Variants in DMD observed in about 807,000 individuals in gnomAD.
The protein encoded by DMD is mutant dystrophin.
DMD carries 63 observed loss-of-function variants against 330.1 expected under a neutral mutation model. That is an observed-to-expected ratio of 0.19 (90% CI 0.16 to 0.24). The LOEUF (loss-of-function observed/expected upper bound fraction) is 0.24, where lower values mean the gene tolerates loss of function less well. Among genes scored for constraint, DMD ranks in the 10% least tolerant of loss-of-function variants. The pLI, the probability that DMD is intolerant of heterozygous loss-of-function variation, is 1.00. For synonymous variants in DMD, 1,223 were observed against 959.8 expected (o/e 1.27, Z -5.07); for missense variants, 3,344 against 2,684.1 (o/e 1.25, Z -5.43).
chrX:32,299,673 G>A (rs2097513852), intron 42 of DMD, among the ~76,000 whole-genome samples: 1 of 110,952 alleles, frequency 9.0e-6, no homozygotes, highest in Admixed American at 9.6e-5. Context: ...GATCTCACCT[G>A]AGCAAGTCAC....
At chrX:33,026,130 T>C (rs1046363853) in intron 1 of DMD, among the ~76,000 whole-genome samples, 1 of 107,467 alleles carries the variant, frequency 9.3e-6, no homozygotes, top group South Asian at 4.1e-4. Flanking sequence ...GGTCAGGAGA[T>C]CAAGACCATC....
At chrX:32,403,150 A>C (rs1173540060) in intron 30 of DMD, among the ~76,000 whole-genome samples, 3 of 112,211 alleles carry the variant, frequency 2.7e-5, no homozygotes, top group African/African-American at 9.7e-5. Context: ...CGCTGAAAGA[A>C]AAATAAAACA....
intron 41 of DMD, among the ~76,000 whole-genome samples, chrX:32,323,016 T>C (rs186284588): frequency 1.8e-5 from 2 of 112,318 alleles, no homozygotes; most frequent in Non-Finnish European, 3.8e-5. Context: ...TCTGTATCCA[T>C]GGGTTCCACA....
chrX:32,418,971 TC>T (rs1333734665), intron 29 of DMD, among the ~76,000 whole-genome samples: 1 of 18,933 alleles, frequency 5.3e-5, no homozygotes, highest in African/African-American at 8.5e-4. Context: ...AGACTCTGTC[TC>T]AAAAAAAAAA....
chrX:31,772,608 T>A (rs1211733338), intron 51 of DMD, among the ~76,000 whole-genome samples: 1 of 111,253 alleles, frequency 9.0e-6, no homozygotes, highest in Non-Finnish European at 1.9e-5. Flanking sequence ...CAATAGTATG[T>A]ATTGCTTGCA....
At chrX:31,384,314 CTACTACTACT>C (rs2060336389) in intron 60 of DMD, among the ~76,000 whole-genome samples, 2 of 44,216 alleles carry the variant, frequency 4.5e-5, no homozygotes, top group Non-Finnish European at 7.9e-5. Flanking sequence ...TGCTTCACTA[CTACTACTACT>C]ACTACTACTA....
At chrX:31,238,535 G>A (rs1000253510) in intron 63 of DMD, among the ~76,000 whole-genome samples, 4 of 111,769 alleles carry the variant, frequency 3.6e-5, no homozygotes, top group Admixed American at 9.5e-5. Flanking sequence ...GGCAAATGTC[G>A]TGTGTACCTG....
At chrX:32,815,520 T>TATATATATATATATACACACACAC in intron 6 of DMD, among the ~76,000 whole-genome samples, 33 of 78,894 alleles carry the variant, frequency 4.2e-4, no homozygotes, top group African/African-American at 1.5e-3. Flanking sequence ...TATATATATA[T>TATATATATATATATACACACACAC]ACACACACAC....
chrX:31,830,165 A>C (rs2092989601), intron 49 of DMD, among the ~76,000 whole-genome samples: 1 of 112,945 alleles, frequency 8.9e-6, no homozygotes, highest in Non-Finnish European at 1.9e-5. Context: ...ATAAATCTTT[A>C]GCAATCATTC....
intron 2 of DMD, among the ~76,000 whole-genome samples, chrX:32,906,024 C>T (rs1172621782): frequency 8.9e-6 from 1 of 112,048 alleles, no homozygotes; most frequent in Non-Finnish European, 1.9e-5. Flanking sequence ...GCTCAGAAAA[C>T]GGAAGTAGAA....
intron 2 of DMD, among the ~76,000 whole-genome samples, chrX:32,953,367 C>T (rs974261821): frequency 2.7e-5 from 3 of 110,990 alleles, no homozygotes; most frequent in African/African-American, 9.8e-5. Flanking sequence ...AATTACCAAG[C>T]AAGTCATACA....
chrX:31,293,204 A>AGT (rs559104990), intron 62 of DMD, among the ~76,000 whole-genome samples: 6,604 of 58,327 alleles, frequency 0.11, 354 homozygotes, highest in Admixed American at 0.17. Flanking sequence ...AGTCTGGTTT[A>AGT]GTGTGTGTGT....
At chrX:32,066,036 T>C (rs1672014401) in intron 44 of DMD, among the ~76,000 whole-genome samples, 1 of 111,743 alleles carries the variant, frequency 8.9e-6, no homozygotes, top group Non-Finnish European at 1.9e-5. Context: ...ATGTTTCTAG[T>C]TCTTACTGTA....
chrX:31,788,403 T>A (rs1458085857), intron 50 of DMD, among the ~76,000 whole-genome samples: 4 of 112,095 alleles, frequency 3.6e-5, no homozygotes, highest in African/African-American at 1.3e-4. Flanking sequence ...TTGTTTACAC[T>A]AGTACTTTTT....
chrX:31,541,042 A>T (rs2073772526), intron 55 of DMD, among the ~76,000 whole-genome samples: 1 of 111,457 alleles, frequency 9.0e-6, no homozygotes, highest in African/African-American at 3.3e-5. Flanking sequence ...TCATTGATTA[A>T]TTTCTTCAAT....
At chrX:32,552,338 T>C (rs1420237249) in intron 16 of DMD, among the ~76,000 whole-genome samples, 2 of 111,728 alleles carry the variant, frequency 1.8e-5, no homozygotes, top group East Asian at 5.6e-4. Flanking sequence ...CATCTGTTCT[T>C]CAATGAAATC....
intron 26 of DMD, among the ~76,000 whole-genome samples, chrX:32,451,111 T>G (rs889842281): frequency 6.3e-5 from 7 of 110,926 alleles, no homozygotes; most frequent in Non-Finnish European, 1.1e-4. Context: ...CCGTGCTTCT[T>G]AAAGTGAGCA....
At position 33,028,992 on chromosome X, in the gene DMD, C is replaced by G. The variant is rs757286249; in HGVS notation, c.32-8792G>C. Reference sequence around the variant, plus strand: ...TGGGAGAATTATTATGTCTTTGCAACTCCTGGCACCAAACATGGTATACTG... The same window carrying G: ...TGGGAGAATTATTATGTCTTTGCAAGTCCTGGCACCAAACATGGTATACTG... On this transcript the variant is annotated intron_variant, in intron 1 of 78. Transcript: ENST00000357033. Among the ~76,000 whole-genome samples, 75 of 111,599 alleles carry G rather than the reference C, an allele frequency of 6.7e-4. 1 individual carries two copies. Among genetic ancestry groups the G allele is most frequent in the Non-Finnish European group, 1.2e-3 (62 of 53,034 alleles).
intron 74 of DMD, among the ~76,000 whole-genome samples, chrX:31,153,552 C>A (rs1332954575): frequency 1.8e-5 from 2 of 110,880 alleles, no homozygotes; most frequent in African/African-American, 6.6e-5. Context: ...ATTTTTCACT[C>A]CATATATTAT....
Sources: gnomAD v4.1 joint callset for allele counts (sites outside exome capture counted in the v4.1 genomes callset) on GRCh38, gnomAD v4.1.1 for gene constraint, MANE v1.5 for transcripts, NCBI Gene and HGNC (gene_info 2026-07-23, HGNC 2026-07-21) for gene names.